Variants in SEMA6D observed in about 807,000 individuals in gnomAD.
The protein encoded by SEMA6D is semaphorin 6D.
A neutral mutation model predicts 106.6 loss-of-function variants in SEMA6D; 35 were observed. The ratio of observed to expected loss-of-function variants is 0.33; its 90% CI spans 0.25 to 0.44. The LOEUF (loss-of-function observed/expected upper bound fraction) is 0.44, where lower values mean the gene tolerates loss of function less well. Among genes scored for constraint, SEMA6D ranks in the 20% least tolerant of loss-of-function variants. The probability of loss-of-function intolerance (pLI) is 1.00; values close to 1 mark genes in which losing one functional copy is unlikely to be tolerated. For synonymous variants in SEMA6D, 499 were observed against 487.7 expected, an observed-to-expected ratio of 1.02 and a Z score of -0.31; for missense variants, 1,185 against 1,345.9, an observed-to-expected ratio of 0.88 and a Z score of 1.87.
At chr15:47,749,080 CTTTTTTT>C (rs71118197) in intron 1 of SEMA6D, among the ~76,000 whole-genome samples, 3 of 102,692 alleles carry the variant, frequency 2.9e-5, no homozygotes, top group Non-Finnish European at 5.8e-5. Context: ...CTTTTTTTTT[CTTTTTTT>C]TTTTTTTTTT....
chr15:47,357,255 A>AC (rs1485552204), intron 1 of SEMA6D, among the ~76,000 whole-genome samples: 6 of 151,848 alleles, frequency 4.0e-5, no homozygotes, highest in African/African-American at 1.5e-4. Flanking sequence ...AATGGCATGA[A>AC]CCTGGGGGGC....
Position 47,759,737 on chromosome 15 carries a change from T to C in SEMA6D, c.-54-8T>C. 8.3e-7 allele frequency: 1 copy of C among 1,207,926 alleles called. No homozygotes were observed. The highest frequency in any genetic ancestry group is 1.2e-6 in the Non-Finnish European group (1 of 810,826). 74.8% of individuals were successfully genotyped at this position (1,207,926 alleles called of 1,614,324 possible). A position where few individuals can be genotyped will look rare whatever the true frequency, so the allele number is the denominator to read the frequency against. ...TAGAGATCTTTCCAAACTGCTTCTG[T>C]TTTCCAGGTAGCTCAGTGGCATTTC... On this transcript the variant is annotated splice_region_variant and splice_polypyrimidine_tract_variant and intron_variant, in intron 1 of 18. Transcript: ENST00000536845.
chr15:47,370,475 A>AGTG (rs2039227661), intron 1 of SEMA6D, among the ~76,000 whole-genome samples: 1 of 152,096 alleles, frequency 6.6e-6, no homozygotes, highest in African/African-American at 2.4e-5. Context: ...ACATCGAGCC[A>AGTG]CTGCACTGCA....
chr15:47,747,003 T>TATA (rs1555422789), intron 1 of SEMA6D, among the ~76,000 whole-genome samples: 1 of 149,318 alleles, frequency 6.7e-6, no homozygotes, highest in Non-Finnish European at 1.5e-5. Flanking sequence ...TATATATATA[T>TATA]TTCGATTGTA....
intron 1 of SEMA6D, among the ~76,000 whole-genome samples, chr15:47,748,787 C>T (rs560045124): frequency 6.6e-5 from 10 of 152,242 alleles, no homozygotes; most frequent in Admixed American, 5.2e-4. Context: ...CTTCGGGAAC[C>T]ATTAAAGTGC....
Position 47,593,948 on chromosome 15 carries a change from T to C in SEMA6D, c.-86-6917T>C, listed in dbSNP as rs1348898404. On this transcript the variant is annotated intron_variant, in intron 3 of 19. Coordinates refer to the SEMA6D transcript ENST00000558014. ...GATCCACCCTCATGAGCTAGTCAGC[T>C]CCCGCCAGACCCCCATCTCCAACAT... Among the ~76,000 whole-genome samples the C allele has an allele frequency of 2.0e-5, 3 of 152,164 alleles. No homozygotes were observed. The East Asian group carries it at 5.8e-4, about 29-fold the overall frequency.
At chr15:47,696,178 T>C (rs1328709982) in intron 4 of SEMA6D, among the ~76,000 whole-genome samples, 1 of 152,178 alleles carries the variant, frequency 6.6e-6, no homozygotes, top group East Asian at 1.9e-4. Flanking sequence ...TGTTAGGGAC[T>C]GAAAAACTCG....
rs2036743237 is a variant in SEMA6D at position 47,317,836 on chromosome 15, G to A, written c.-238-94557G>A. Among the ~76,000 whole-genome samples the A allele has an allele frequency of 1.3e-5, 2 of 152,008 alleles. 1 individual carries two copies. The highest frequency in any genetic ancestry group is 4.1e-4 in the South Asian group (2 of 4,824). On this transcript the variant is annotated intron_variant, in intron 1 of 19. Transcript: ENST00000558014. The stretch of plus-strand genomic sequence containing the variant: ...TGAAATGTATCTGCCCAGGTGTAGT[G>A]TTTTAGGCACTTATGTTGTTTGCTT...
chr15:47,521,966 C>T (rs552549422), intron 3 of SEMA6D, among the ~76,000 whole-genome samples: 14 of 144,440 alleles, frequency 9.7e-5, no homozygotes, highest in African/African-American at 3.6e-4. Context: ...GCCTGGGGGA[C>T]AGAGCGAGAC....
rs139740220 is a variant in SEMA6D, at chr15:47,307,089, T to G, written c.-238-105304T>G. 6.2e-3 allele frequency among the ~76,000 whole-genome samples: 952 copies of G among 152,346 alleles called. 14 individuals carry two copies. Among genetic ancestry groups the G allele is most frequent in the African/African-American group, 0.022 (907 of 41,590 alleles). On this transcript the variant is annotated intron_variant, in intron 1 of 19. Transcript: ENST00000558014. ...ATTCTCTGTGCATCATTTCCTCATC[T>G]GTTTAATGGGGATAATAATAGCATT...
chr15:47,728,471 A>G (rs2079906542), intron 1 of SEMA6D, among the ~76,000 whole-genome samples: 1 of 152,194 alleles, frequency 6.6e-6, no homozygotes, highest in Non-Finnish European at 1.5e-5. Flanking sequence ...CAAGCACTGA[A>G]GTTTTGTTTA....
At chr15:47,529,733 T>G (rs2044890098) in intron 3 of SEMA6D, among the ~76,000 whole-genome samples, 1 of 152,104 alleles carries the variant, frequency 6.6e-6, no homozygotes, top group Admixed American at 6.6e-5. Context: ...GTTCCACAAA[T>G]GAGGGTCATT....
intron 4 of SEMA6D, among the ~76,000 whole-genome samples, chr15:47,604,903 T>C (rs559471910): frequency 1.3e-4 from 20 of 149,034 alleles, no homozygotes; most frequent in African/African-American, 5.0e-4. Flanking sequence ...AAATAAGGTT[T>C]CACCATGTTA....
Position 47,348,723 on chromosome 15 carries a change from CA to C in SEMA6D, c.-238-63669del, listed in dbSNP as rs1339204201. Among the ~76,000 whole-genome samples, 291 of 45,544 alleles carry C rather than the reference CA, an allele frequency of 6.4e-3. 2 individuals are homozygous for C. The highest frequency in any genetic ancestry group is 0.014 in the African/African-American group (251 of 17,484). The allele number at this position is 45,544 out of a possible 152,430, so 29.9% of individuals were successfully genotyped here. A position where few individuals can be genotyped will look rare whatever the true frequency, so the allele number is the denominator to read the frequency against. ...CACACACACACACACACACACCACA[CA>C]CACAGAGAGAGAGAGAGAGAGAGAG... On this transcript the variant is annotated intron_variant, in intron 1 of 19. Coordinates refer to the SEMA6D transcript ENST00000558014.
chr15:47,319,645 C>A (rs1197190559), intron 1 of SEMA6D, among the ~76,000 whole-genome samples: 1 of 152,114 alleles, frequency 6.6e-6, no homozygotes, highest in African/African-American at 2.4e-5. Context: ...GATAAAACCC[C>A]AGCAGGTTAG....
At chr15:47,563,167 C>G (rs2046128634) in intron 3 of SEMA6D, among the ~76,000 whole-genome samples, 1 of 152,002 alleles carries the variant, frequency 6.6e-6, no homozygotes, top group Non-Finnish European at 1.5e-5. Flanking sequence ...TAGTGATTGC[C>G]TGGGGCTAAG....
intron 2 of SEMA6D, among the ~76,000 whole-genome samples, chr15:47,421,463 A>AT (rs1406771863): frequency 6.6e-6 from 1 of 150,684 alleles, no homozygotes; most frequent in African/African-American, 2.5e-5. Context: ...TCCTAAATAA[A>AT]TATGCACTAA....
chr15:47,574,054 T>C (rs1355786190), intron 3 of SEMA6D, among the ~76,000 whole-genome samples: 1 of 152,150 alleles, frequency 6.6e-6, no homozygotes, highest in African/African-American at 2.4e-5. Flanking sequence ...TGTTATTTCA[T>C]AGGATCCAGG....
At chr15:47,601,477 A>G (rs2076657591) in intron 4 of SEMA6D, among the ~76,000 whole-genome samples, 1 of 152,216 alleles carries the variant, frequency 6.6e-6, no homozygotes, top group African/African-American at 2.4e-5. Context: ...ATCAGAATGC[A>G]TTTGATGTGC....
Sources: allele counts gnomAD v4.1 joint callset (sites outside exome capture counted in the v4.1 genomes callset), GRCh38; gene constraint gnomAD v4.1.1; transcripts MANE v1.5; gene names NCBI Gene and HGNC (gene_info 2026-07-23, HGNC 2026-07-21).